SYT1: variants seen among roughly 807,000 people sequenced by gnomAD.
The protein encoded by SYT1 is synaptotagmin 1.
Under a neutral mutation model 44.8 loss-of-function variants are expected in SYT1, and 8 were observed. The ratio of observed to expected loss-of-function variants is 0.18; its 90% CI spans 0.10 to 0.32. The LOEUF (loss-of-function observed/expected upper bound fraction) is 0.32. Ranked by LOEUF, SYT1 falls within the 10% of genes least tolerant of loss-of-function variation. SYT1 has a pLI of 1.00. For missense variants in SYT1, 286 were observed against 509.3 expected (o/e 0.56, Z 4.22); for synonymous variants, 154 against 188.8 (o/e 0.82, Z 1.51).
intron 4 of SYT1, among the ~76,000 whole-genome samples, chr12:79,236,090 C>A (rs1388364527): frequency 6.6e-6 from 1 of 152,162 alleles, no homozygotes; most frequent in Non-Finnish European, 1.5e-5. Flanking sequence ...TGTCATTATT[C>A]TGGTTTGAGC....
intron 9 of SYT1, among the ~76,000 whole-genome samples, chr12:79,360,661 G>C (rs765473201): frequency 6.6e-6 from 1 of 152,196 alleles, no homozygotes; most frequent in Non-Finnish European, 1.5e-5. Flanking sequence ...AATGGGACAG[G>C]AATATGCATA....
At chr12:78,952,287 C>T (rs1207555095) in intron 1 of SYT1, among the ~76,000 whole-genome samples, 1 of 152,140 alleles carries the variant, frequency 6.6e-6, no homozygotes, top group Admixed American at 6.6e-5. Flanking sequence ...TGTCCTGCTA[C>T]AGCAGACACT....
chr12:79,012,720 C>A (rs1013223377), intron 2 of SYT1, among the ~76,000 whole-genome samples: 2 of 152,176 alleles, frequency 1.3e-5, no homozygotes, highest in African/African-American at 4.8e-5. Context: ...TGTCTACAAA[C>A]AAGTGTTCAA....
chr12:79,324,459 C>G (rs149322684), intron 8 of SYT1, among the ~76,000 whole-genome samples: 4 of 152,236 alleles, frequency 2.6e-5, no homozygotes, highest in Non-Finnish European at 4.4e-5. Context: ...CTTAACACCT[C>G]TGCCAGCAAG....
At chr12:79,309,400 T>A (rs115372571) in intron 8 of SYT1, among the ~76,000 whole-genome samples, 1,596 of 152,172 alleles carry the variant, frequency 0.01, 29 homozygotes, top group African/African-American at 0.036. Flanking sequence ...TTTTTTTTTT[T>A]ATCTGATGAT....
chr12:79,266,383 T>C, intron 4 of SYT1, among the ~76,000 whole-genome samples: 1 of 150,518 alleles, frequency 6.6e-6, no homozygotes, highest in East Asian at 2.0e-4. Flanking sequence ...AAGAAATCTT[T>C]TGGGAGCAAT....
chr12:79,283,358 T>C (rs1387034406), intron 4 of SYT1, among the ~76,000 whole-genome samples: 1 of 152,164 alleles, frequency 6.6e-6, no homozygotes, highest in Non-Finnish European at 1.5e-5. Context: ...TAAATTACTT[T>C]CAAGTTGCAT....
intron 8 of SYT1, among the ~76,000 whole-genome samples, chr12:79,314,168 CAAAAAAAAA>C (rs34951756): frequency 1.5e-5 from 1 of 67,286 alleles, no homozygotes; most frequent in Non-Finnish European, 2.8e-5. Flanking sequence ...GACTCCGTCT[CAAAAAAAAA>C]AAAAAAAAAA....
chr12:79,449,747 A>T lies in SYT1; in HGVS notation c.*623A>T, dbSNP rs1379807757. 4 of 152,526 alleles carry T rather than the reference A, an allele frequency of 2.6e-5. No individual in the cohort carries two copies. In the East Asian group the frequency reaches 5.8e-4, roughly 22 times the overall value. 9.4% of individuals were successfully genotyped at this position (152,526 alleles called of 1,614,324 possible). A position where few individuals can be genotyped will look rare whatever the true frequency, so the allele number is the denominator to read the frequency against. On this transcript the variant is annotated 3_prime_UTR_variant, in exon 11 of 11. Coordinates refer to ENST00000261205, the MANE Select transcript of SYT1 (RefSeq NM_005639.3). ...ATTCCTACACAGGCAAAATAGCATG[A>T]TCTGAGCAGCAGCATCCAGGCTGAC...
intron 1 of SYT1, among the ~76,000 whole-genome samples, chr12:78,958,404 C>T (rs1373215520): frequency 6.6e-6 from 1 of 151,704 alleles, no homozygotes; most frequent in African/African-American, 2.4e-5. Flanking sequence ...TCAATCAAAA[C>T]ACAAACAAGG....
chr12:78,885,638 G>A (rs143024854), intron 1 of SYT1, among the ~76,000 whole-genome samples: 5 of 152,104 alleles, frequency 3.3e-5, no homozygotes, highest in East Asian at 1.9e-4. Context: ...AAAGCAAGGC[G>A]TCCACGTGGG....
At chr12:78,886,572 C>T (rs1463537965) in intron 1 of SYT1, among the ~76,000 whole-genome samples, 1 of 151,858 alleles carries the variant, frequency 6.6e-6, no homozygotes, top group East Asian at 1.9e-4. Context: ...TAACCATATG[C>T]CTGTGATGAT....
In SYT1 at chr12:79,244,714, G is replaced by GAA. The variant is rs201236952; in HGVS notation, c.166+27043_166+27044dup. Among the ~76,000 whole-genome samples the GAA allele has an allele frequency of 1.2e-4, 11 of 88,540 alleles. No individual in the cohort carries two copies. The East Asian group carries it at 1.9e-3, about 15-fold the overall frequency. 58.1% of individuals were successfully genotyped at this position (88,540 alleles called of 152,430 possible). On this transcript the variant is annotated intron_variant, in intron 4 of 10. Transcript: ENST00000261205. ...GAGAGACCCTGTCTCAAAAAAAGAA[G>GAA]AAAAAAAAAAAAAAAGCTAAAGTGC...
intron 4 of SYT1, among the ~76,000 whole-genome samples, chr12:79,277,511 C>G (rs952998339): frequency 1.3e-5 from 2 of 151,976 alleles, no homozygotes; most frequent in African/African-American, 4.8e-5. Context: ...AAGAAATGCT[C>G]AAAGGAATGG....
At chr12:79,288,840 G>A (rs922969017) in intron 5 of SYT1, among the ~76,000 whole-genome samples, 2 of 151,944 alleles carry the variant, frequency 1.3e-5, no homozygotes, top group Non-Finnish European at 2.9e-5. Flanking sequence ...TGTCCCTTGC[G>A]GTAGGTTTCC....
intron 9 of SYT1, among the ~76,000 whole-genome samples, chr12:79,354,901 G>T (rs900903646): frequency 2.0e-5 from 3 of 152,110 alleles, no homozygotes; most frequent in African/African-American, 7.2e-5. Context: ...ATCATGACAT[G>T]ATTTCTTTGT....
Position 79,212,126 on chromosome 12 carries a change from G to T in SYT1, c.-17-5377G>T, listed in dbSNP as rs972975816. Among the ~76,000 whole-genome samples the T allele has an allele frequency of 2.0e-5, 3 of 152,230 alleles. 1 individual carries two copies. In the East Asian group the frequency reaches 5.8e-4, roughly 29 times the overall value. On this transcript the variant is annotated intron_variant, in intron 3 of 10. Transcript: ENST00000261205. ...GGAACCAACCAAAATACCCATCAATGATAGAGTGGATAAAGAAAATGTGGC... is the reference window on the plus strand; with the variant it reads ...GGAACCAACCAAAATACCCATCAATTATAGAGTGGATAAAGAAAATGTGGC...
intron 3 of SYT1, among the ~76,000 whole-genome samples, chr12:79,057,903 C>G (rs1334123315): frequency 6.6e-6 from 1 of 151,990 alleles, no homozygotes; most frequent in East Asian, 1.9e-4. Context: ...GTTGGACAAG[C>G]TCATGAGCAT....
At chr12:79,175,680 C>T (rs1871813048) in intron 3 of SYT1, among the ~76,000 whole-genome samples, 1 of 151,968 alleles carries the variant, frequency 6.6e-6, no homozygotes, top group African/African-American at 2.4e-5. Flanking sequence ...TTCTGTGAAG[C>T]AAAGGCAGGA....
Sources: allele counts gnomAD v4.1 joint callset (sites outside exome capture counted in the v4.1 genomes callset), GRCh38; gene constraint gnomAD v4.1.1; transcripts MANE v1.5; gene names NCBI Gene and HGNC (gene_info 2026-07-23, HGNC 2026-07-21).